PPP2R2C: variants seen among roughly 807,000 people sequenced by gnomAD.
The protein encoded by PPP2R2C is protein phosphatase 2, regulatory subunit B, gamma.
Under a neutral mutation model 45.3 loss-of-function variants are expected in PPP2R2C, and 10 were observed. The ratio of observed to expected loss-of-function variants is 0.22; its 90% CI spans 0.14 to 0.37. The LOEUF is 0.37. PPP2R2C is among the 10% of genes least tolerant of loss of function. The probability of loss-of-function intolerance (pLI) is 1.00; values close to 1 mark genes in which losing one functional copy is unlikely to be tolerated. For synonymous variants in PPP2R2C, 257 were observed against 245.4 expected, an observed-to-expected ratio of 1.05 and a Z score of -0.44; for missense variants, 308 against 619.7, an observed-to-expected ratio of 0.50 and a Z score of 5.34.
intron 2 of PPP2R2C, among the ~76,000 whole-genome samples, chr4:6,513,919 G>A (rs1723752313): frequency 6.6e-6 from 1 of 152,182 alleles, no homozygotes; most frequent in Non-Finnish European, 1.5e-5. Flanking sequence ...ATAACTTAAG[G>A]AAATATTTTG....
At chr4:6,444,031 G>C (rs1055058356) in intron 1 of PPP2R2C, among the ~76,000 whole-genome samples, 1 of 152,170 alleles carries the variant, frequency 6.6e-6, no homozygotes, top group South Asian at 2.1e-4. Context: ...CCCGTGAGTA[G>C]CCTCCTGCAG....
intron 2 of PPP2R2C, among the ~76,000 whole-genome samples, chr4:6,487,909 G>A (rs537396835): frequency 6.6e-6 from 1 of 151,998 alleles, no homozygotes; most frequent in Non-Finnish European, 1.5e-5. Flanking sequence ...TAAAATTTTT[G>A]TTCTTTTTTT....
chr4:6,447,819 C>T (rs909347016), intron 1 of PPP2R2C, among the ~76,000 whole-genome samples: 4 of 152,310 alleles, frequency 2.6e-5, no homozygotes, highest in Non-Finnish European at 4.4e-5. Context: ...GCCTCAGCTA[C>T]GGCTGGAGTA....
chr4:6,472,104 G>T (rs1721930225), intron 1 of PPP2R2C, 56 bp downstream of exon 1: 2 of 1,608,242 alleles, frequency 1.2e-6, no homozygotes, highest in South Asian at 2.2e-5. Flanking sequence ...CATTCGGTGC[G>T]ACGGCATCCC....
At chr4:6,386,150 A>G (rs1177079844) in intron 1 of PPP2R2C, among the ~76,000 whole-genome samples, 1 of 152,228 alleles carries the variant, frequency 6.6e-6, no homozygotes, top group East Asian at 1.9e-4. Flanking sequence ...CTCTGAAGGC[A>G]TCGGAGGGTG....
rs1716166404 is a variant in PPP2R2C, at chr4:6,385,773, T to C, written c.71-4679A>G. 3.3e-5 allele frequency among the ~76,000 whole-genome samples: 5 copies of C among 152,144 alleles called. No homozygotes were observed. In the South Asian group the frequency reaches 1.0e-3, roughly 32 times the overall value. On this transcript the variant is annotated intron_variant, in intron 1 of 8. Transcript: ENST00000382599. ...TTAGTAGAGATGGGGTTTCACCATA[T>C]TGGTCAGGTTGGTAAACTCCTGACC...
At chr4:6,539,549 C>T (rs1393974361) in intron 1 of PPP2R2C, among the ~76,000 whole-genome samples, 2 of 152,192 alleles carry the variant, frequency 1.3e-5, no homozygotes, top group South Asian at 2.1e-4. Flanking sequence ...TGTAACATCA[C>T]AGAGGACGAT....
intron 4 of PPP2R2C, 108 bp downstream of exon 4, chr4:6,375,711 C>T: frequency 1.0e-6 from 1 of 955,692 alleles, no homozygotes; most frequent in Non-Finnish European, 1.6e-6. Context: ...AGCAGCCCAA[C>T]CAGGGTCTGC....
chr4:6,323,672 A>T (rs1731710886), intron 8 of PPP2R2C, 79 bp from the exon 9 acceptor site: 1 of 1,381,802 alleles, frequency 7.2e-7, no homozygotes. Flanking sequence ...GTGGGGGCTC[A>T]CGCCCATAAT....
chr4:6,527,389 C>T (rs1005418248), intron 2 of PPP2R2C, among the ~76,000 whole-genome samples: 2 of 151,734 alleles, frequency 1.3e-5, no homozygotes, highest in Admixed American at 6.6e-5. Context: ...CTGAGCAGTG[C>T]CAGGCGGAAC....
intron 6 of PPP2R2C, among the ~76,000 whole-genome samples, chr4:6,344,290 T>C (rs1711610428): frequency 6.6e-6 from 1 of 152,202 alleles, no homozygotes; most frequent in African/African-American, 2.4e-5. Flanking sequence ...TGAAATTGAA[T>C]TGAGTCATCG....
At chr4:6,375,679 C>T (rs373016753) in intron 4 of PPP2R2C, 140 bp downstream of exon 4, 15 of 663,948 alleles carry the variant, frequency 2.3e-5, no homozygotes, top group Admixed American at 1.2e-4. Flanking sequence ...GGCAGGAAGA[C>T]GCCCGTGGCC....
intron 1 of PPP2R2C, among the ~76,000 whole-genome samples, chr4:6,456,310 C>CG (rs919447346): frequency 0.016 from 524 of 33,048 alleles, 4 homozygotes; most frequent in African/African-American, 0.083. Context: ...TGTTATTTCC[C>CG]CCCCCCCCCT....
At chr4:6,425,837 G>GT (rs61539636) in intron 1 of PPP2R2C, among the ~76,000 whole-genome samples, 1 of 150,840 alleles carries the variant, frequency 6.6e-6, no homozygotes, top group East Asian at 1.9e-4. Context: ...GTGTGTGTGT[G>GT]GTGTGTGTGT....
chr4:6,382,921 C>T, intron 1 of PPP2R2C: 1 of 1,087,832 alleles, frequency 9.2e-7, no homozygotes, highest in Non-Finnish European at 1.1e-6. Context: ...ATTGTGTACT[C>T]AGAGAAAAGC....
At chr4:6,444,146 C>T (rs1400213833) in intron 1 of PPP2R2C, among the ~76,000 whole-genome samples, 3 of 152,158 alleles carry the variant, frequency 2.0e-5, no homozygotes, top group East Asian at 3.9e-4. Flanking sequence ...ACCACAGAAT[C>T]GACAAGGATT....
intron 2 of PPP2R2C, among the ~76,000 whole-genome samples, chr4:6,487,210 G>T (rs1249468343): frequency 6.6e-6 from 1 of 151,754 alleles, no homozygotes; most frequent in East Asian, 1.9e-4. Flanking sequence ...ACACTACATG[G>T]TTATTATTTT....
At position 6,451,726 on chromosome 4, in the gene PPP2R2C, C is replaced by A. The variant is rs143403194; in HGVS notation, c.70+20434G>T. Among the ~76,000 whole-genome samples the A allele has an allele frequency of 1.4e-4, 21 of 152,264 alleles. 2 individuals are homozygous for A. The East Asian group carries it at 4.1e-3, about 29-fold the overall frequency. Reference sequence around the variant, plus strand: ...AGAGGACAAAGGAAACTCTTCCCATCTCCTTCCACCCTCCTCCTCCCGGCC... The same window carrying A: ...AGAGGACAAAGGAAACTCTTCCCATATCCTTCCACCCTCCTCCTCCCGGCC... On this transcript the variant is annotated intron_variant, in intron 1 of 8. Coordinates refer to ENST00000382599, the MANE Select transcript of PPP2R2C (RefSeq NM_020416.4).
intron 1 of PPP2R2C, among the ~76,000 whole-genome samples, chr4:6,558,485 C>G (rs942894247): frequency 1.3e-5 from 2 of 152,154 alleles, no homozygotes; most frequent in Non-Finnish European, 2.9e-5. Flanking sequence ...CTGGCTGCCT[C>G]CTAACAAGGA....
Sources: allele counts gnomAD v4.1 joint callset (sites outside exome capture counted in the v4.1 genomes callset), GRCh38; gene constraint gnomAD v4.1.1; transcripts MANE v1.5; gene names NCBI Gene and HGNC (gene_info 2026-07-23, HGNC 2026-07-21).